The following LAMA1 variants were observed in gnomAD, a reference collection of about 807,000 sequenced individuals.
LAMA1 encodes the protein laminin subunit alpha 1, also known as laminin subunit alpha-1.
LAMA1 carries 219 observed loss-of-function variants against 348.7 expected under a neutral mutation model. That is an observed-to-expected ratio of 0.63 (90% CI 0.56 to 0.70). The LOEUF (loss-of-function observed/expected upper bound fraction) is 0.70. Ranked by LOEUF, LAMA1 falls within the 30% of genes least tolerant of loss-of-function variation. LAMA1 has a pLI of 0.00. For missense variants in LAMA1, 3,744 were observed against 3,888.0 expected, an observed-to-expected ratio of 0.96 and a Z score of 0.99; for synonymous variants, 1,487 against 1,491.0, an observed-to-expected ratio of 1.00 and a Z score of 0.06.
Position 7,008,582 on chromosome 18 carries a change from C to T in LAMA1, c.4028G>A (p.Gly1343Asp). 1 of 1,613,974 alleles carries T rather than the reference C, an allele frequency of 6.2e-7. No individual in the cohort carries two copies. Among genetic ancestry groups the T allele is most frequent in the Non-Finnish European group, 8.5e-7 (1 of 1,179,968 alleles). Residue 1343 changes from glycine to aspartate, a missense_variant, in exon 28 of 63, where the codon GGC becomes GAC. By Grantham distance (94) the Gly-to-Asp change is moderately conservative. This residue lies in a region of LAMA1 where 1,983 missense variants were observed against 1,934.3 expected (regional missense o/e 1.03). Transcript: ENST00000389658. ...TGGGTGCAGCTTTTCAGCCTTTCTGCCAACCTCCATTGAAATGTCTGAGAT... is the reference window on the plus strand; with the variant it reads ...TGGGTGCAGCTTTTCAGCCTTTCTGTCAACCTCCATTGAAATGTCTGAGAT... The part of the protein sequence containing the change: ...SRISDISMEV[G>D]RKAEKLHPEE...
In LAMA1 at chr18:6,992,599, G is replaced by C. The variant is rs2057763651; in HGVS notation, c.5130C>G (p.Asp1710Glu). The change falls in exon 36 of 63, where the codon GAC (aspartate) becomes GAG (glutamate). Residue 1710 changes from aspartate (D) to glutamate (E), a missense_variant. This residue lies in a region of LAMA1 where 1,983 missense variants were observed against 1,934.3 expected (regional missense o/e 1.03). Coordinates refer to ENST00000389658, the MANE Select transcript of LAMA1 (RefSeq NM_005559.4). ...TGGCATTTTGGTGCAACTGTGTGAA[G>C]TCTCTTATCTGCATGATTTCTAGCA... ...TSLLEIMQIR[D>E]FTQLHQNATL... 1.2e-6 allele frequency: 2 copies of C among 1,614,156 alleles called. No individual in the cohort carries two copies. The highest frequency in any genetic ancestry group is 1.3e-5 in the African/African-American group (1 of 75,054).
intron 16 of LAMA1, among the ~76,000 whole-genome samples, chr18:7,026,752 C>CTT (rs1010886410): frequency 1.3e-5 from 2 of 152,118 alleles, no homozygotes; most frequent in African/African-American, 2.4e-5. Flanking sequence ...AATCCCAGCA[C>CTT]TTTGGGAGGC....
chr18:7,024,557 C>A, intron 17 of LAMA1, 91 bp from the exon 18 acceptor site: 1 of 1,027,268 alleles, frequency 9.7e-7, no homozygotes, highest in Non-Finnish European at 1.5e-6. Flanking sequence ...TACTCCTGTG[C>A]TTCCAGACCT....
intron 1 of LAMA1, among the ~76,000 whole-genome samples, chr18:7,083,501 A>T (rs1228660867): frequency 2.0e-5 from 3 of 152,040 alleles, no homozygotes; most frequent in Non-Finnish European, 4.4e-5. Flanking sequence ...TATACTTTTA[A>T]TAAAAAGAAA....
At chr18:6,996,497 G>T (rs1204117995) in intron 33 of LAMA1, among the ~76,000 whole-genome samples, 1 of 152,126 alleles carries the variant, frequency 6.6e-6, no homozygotes, top group African/African-American at 2.4e-5. Context: ...AGTAGGTCGG[G>T]CGTGGTAGCT....
At chr18:7,021,819 A>AT (rs1555654338) in intron 19 of LAMA1, among the ~76,000 whole-genome samples, 1,618 of 108,342 alleles carry the variant, frequency 0.015, 36 homozygotes, top group African/African-American at 0.087. Context: ...TATATAATAT[A>AT]TATTATATAA....
At chr18:6,990,360 C>A (rs1310629890) in intron 36 of LAMA1, among the ~76,000 whole-genome samples, 1 of 151,922 alleles carries the variant, frequency 6.6e-6, no homozygotes, top group Non-Finnish European at 1.5e-5. Flanking sequence ...AGGGGAGAGC[C>A]CCACAAAATG....
intron 36 of LAMA1, among the ~76,000 whole-genome samples, chr18:6,988,987 T>A (rs1223678457): frequency 2.0e-5 from 3 of 152,112 alleles, no homozygotes; most frequent in Non-Finnish European, 4.4e-5. Flanking sequence ...TTCCCACTGA[T>A]CCCTAACTGC....
intron 6 of LAMA1, 146 bp downstream of exon 6, chr18:7,046,132 C>A: frequency 1.7e-6 from 1 of 585,170 alleles, no homozygotes. Context: ...TTAAAAATGA[C>A]ACAAGTTAAA....
intron 6 of LAMA1, 88 bp downstream of exon 6, chr18:7,046,190 T>C (rs915896555): frequency 1.2e-6 from 1 of 859,296 alleles, no homozygotes; most frequent in African/African-American, 1.7e-5. Context: ...CCTTTCATGT[T>C]TGTTTGGAAT....
intron 44 of LAMA1, among the ~76,000 whole-genome samples, chr18:6,977,388 A>C (rs1393640203): frequency 1.3e-5 from 2 of 152,240 alleles, no homozygotes; most frequent in Admixed American, 6.5e-5. Flanking sequence ...CCATAAACTT[A>C]AGAGTGATGT....
rs771248668 is a variant in LAMA1 at position 7,040,212 on chromosome 18, C to T, written c.1286G>A (p.Cys429Tyr). 1 of 1,614,176 alleles carries T rather than the reference C, an allele frequency of 6.2e-7. No individual in the cohort carries two copies. Among genetic ancestry groups the T allele is most frequent in the Non-Finnish European group, 8.5e-7 (1 of 1,180,050 alleles). ...TTTTTCTCCTGTATAACCTTCCTTA[C>T]ATGGGCACTGACCTGGCTGCTTCCC... is the stretch of plus-strand genomic sequence containing the variant. ...HNGKQPGQCP[C>Y]KEGYTGEKCD... is the part of the protein sequence containing the mutation. The change falls in exon 10 of 63, where the codon TGT becomes TAT. Residue 429 changes from cysteine to tyrosine, a missense_variant. Coordinates refer to ENST00000389658, the MANE Select transcript of LAMA1 (RefSeq NM_005559.4).
intron 3 of LAMA1, among the ~76,000 whole-genome samples, chr18:7,071,157 C>T (rs544208342): frequency 7.2e-5 from 11 of 152,262 alleles, no homozygotes; most frequent in African/African-American, 9.6e-5. Context: ...AAGGAGACAG[C>T]GTGGCATGGT....
At chr18:6,986,612 T>C (rs11662579) in intron 36 of LAMA1, among the ~76,000 whole-genome samples, 51,584 of 150,976 alleles carry the variant, frequency 0.34, 9,506 homozygotes, top group Non-Finnish European at 0.42. Flanking sequence ...AGGAAGTAAA[T>C]GGTACTTATA....
rs548152601 is a variant in LAMA1, at chr18:7,023,095, T to A, written c.2701+69A>T. 2.0e-6 allele frequency: 3 copies of A among 1,514,192 alleles called. No individual in the cohort carries two copies. In the Admixed American group the frequency reaches 5.8e-5, roughly 29 times the overall value. 93.8% of individuals were successfully genotyped at this position (1,514,192 alleles called of 1,614,324 possible). On this transcript the variant is annotated intron_variant, in intron 19 of 62. Transcript: ENST00000389658. Reference sequence around the variant, plus strand: ...CCTAGGCGGGGCCCTGTGTGACACATGTGACTATACGGTTGAAGACTTCCT... The same window carrying A: ...CCTAGGCGGGGCCCTGTGTGACACAAGTGACTATACGGTTGAAGACTTCCT...
At chr18:7,107,196 G>T (rs569638475) in intron 1 of LAMA1, among the ~76,000 whole-genome samples, 24 of 146,032 alleles carry the variant, frequency 1.6e-4, no homozygotes, top group Non-Finnish European at 3.0e-4. Context: ...CTGGCTCACT[G>T]CAAGCTCCGC....
At chr18:7,023,427 T>G in intron 18 of LAMA1, 52 bp from the exon 19 acceptor site, 22 of 1,418,164 alleles carry the variant, frequency 1.6e-5, no homozygotes, top group Non-Finnish European at 1.6e-5. Flanking sequence ...CTTAAGGCCT[T>G]ACCGCACTAT....
chr18:7,073,593 T>C (rs2058154784), intron 3 of LAMA1, among the ~76,000 whole-genome samples: 2 of 152,202 alleles, frequency 1.3e-5, no homozygotes, highest in Admixed American at 1.3e-4. Context: ...AAAATTTCAT[T>C]CCTTTTTAAG....
intron 49 of LAMA1, chr18:6,965,646 C>G: frequency 1.7e-6 from 1 of 573,046 alleles, no homozygotes; most frequent in Non-Finnish European, 3.1e-6. Context: ...CTGTTGTTAC[C>G]AAAATCCACA....
Sources: allele counts gnomAD v4.1 joint callset (sites outside exome capture counted in the v4.1 genomes callset), GRCh38; gene constraint gnomAD v4.1.1; regional missense constraint gnomAD v4.1.1; transcripts MANE v1.5; gene names NCBI Gene and HGNC (gene_info 2026-07-23, HGNC 2026-07-21).